BMPER: variants seen among roughly 807,000 people sequenced by gnomAD.
BMPER encodes BMP-binding endothelial regulator protein.
A neutral mutation model predicts 87.3 loss-of-function variants in BMPER; 45 were observed. The ratio of observed to expected loss-of-function variants is 0.52; its 90% CI spans 0.41 to 0.66. The LOEUF is 0.66. BMPER is among the 30% of genes least tolerant of loss of function. BMPER has a pLI of 0.00. For synonymous variants in BMPER, 326 were observed against 316.2 expected (o/e 1.03, Z -0.33); for missense variants, 784 against 867.5 (o/e 0.90, Z 1.21).
At chr7:33,960,413 G>A (rs999690651) in intron 3 of BMPER, among the ~76,000 whole-genome samples, 9 of 152,274 alleles carry the variant, frequency 5.9e-5, no homozygotes, top group Middle Eastern at 3.4e-3. Context: ...TAAAAAAATT[G>A]TATTGGGCTG....
chr7:33,919,929 A>G (rs73693051), intron 2 of BMPER, among the ~76,000 whole-genome samples: 1 of 144,356 alleles, frequency 6.9e-6, no homozygotes, highest in African/African-American at 2.9e-5. Context: ...GTACATATCT[A>G]TCTATCTATC....
intron 4 of BMPER, among the ~76,000 whole-genome samples, chr7:33,967,380 T>C (rs1437090478): frequency 1.3e-5 from 2 of 152,248 alleles, no homozygotes; most frequent in Admixed American, 6.5e-5. Flanking sequence ...GTTAGTATAA[T>C]AATGGATATT....
At chr7:34,136,866 GT>G (rs1163493572) in intron 13 of BMPER, among the ~76,000 whole-genome samples, 1 of 152,206 alleles carries the variant, frequency 6.6e-6, no homozygotes, top group Non-Finnish European at 1.5e-5. Context: ...TTGCCCTTCT[GT>G]TCTCCAAGAA....
At chr7:34,010,783 TCTGAA>T (rs1786855546) in intron 6 of BMPER, among the ~76,000 whole-genome samples, 1 of 151,926 alleles carries the variant, frequency 6.6e-6, no homozygotes, top group African/African-American at 2.4e-5. Context: ...ATTTATGAAA[TCTGAA>T]CTTTTGCTCC....
Position 34,046,296 on chromosome 7 carries a change from C to A in BMPER, c.577-10C>A. 6.2e-7 allele frequency: 1 copy of A among 1,610,356 alleles called. No homozygotes were observed. The highest frequency in any genetic ancestry group is 8.5e-7 in the Non-Finnish European group (1 of 1,177,244). On this transcript the variant is annotated splice_polypyrimidine_tract_variant and intron_variant, in intron 6 of 14. Coordinates refer to ENST00000649409, the MANE Select transcript of BMPER (RefSeq NM_001365308.1). ...TTCTAAATATGCTTTTTTTTTCTCT[C>A]TTTTCTTAGGGAGGCAGGACACAAT...
chr7:33,961,620 G>A (rs1785273348), intron 3 of BMPER, among the ~76,000 whole-genome samples: 2 of 152,200 alleles, frequency 1.3e-5, no homozygotes, highest in Admixed American at 6.5e-5. Flanking sequence ...AGGTGTGGGA[G>A]GGCACTGAAG....
intron 2 of BMPER, among the ~76,000 whole-genome samples, chr7:33,928,658 A>T (rs1784415149): frequency 6.6e-6 from 1 of 151,352 alleles, no homozygotes; most frequent in Non-Finnish European, 1.5e-5. Flanking sequence ...AAAAAAAAAA[A>T]AAGCCAGACC....
chr7:33,935,027 T>G (rs1201808370), intron 2 of BMPER, among the ~76,000 whole-genome samples: 1 of 152,232 alleles, frequency 6.6e-6, no homozygotes, highest in Non-Finnish European at 1.5e-5. Flanking sequence ...GTGATGACTT[T>G]GGTGGGAGTT....
At chr7:33,961,095 A>G (rs1233651016) in intron 3 of BMPER, among the ~76,000 whole-genome samples, 1 of 152,184 alleles carries the variant, frequency 6.6e-6, no homozygotes, top group Non-Finnish European at 1.5e-5. Flanking sequence ...AGGCTTTTCA[A>G]TAAGGGACCA....
chr7:33,940,082 G>A (rs10486624), intron 3 of BMPER: 4,689 of 188,474 alleles, frequency 0.025, 222 homozygotes, highest in African/African-American at 0.1. Context: ...TCAAAAAATA[G>A]TCTAAACTGT....
intron 13 of BMPER, among the ~76,000 whole-genome samples, chr7:34,086,970 A>C (rs1328744636): frequency 1.3e-5 from 2 of 152,216 alleles, no homozygotes; most frequent in East Asian, 3.9e-4. Context: ...GCCTCTTAAA[A>C]TTAGAAAACT....
At chr7:34,066,251 C>T (rs1001964728) in intron 11 of BMPER, among the ~76,000 whole-genome samples, 2 of 152,152 alleles carry the variant, frequency 1.3e-5, no homozygotes, top group Non-Finnish European at 2.9e-5. Flanking sequence ...GGCACAATGC[C>T]GTTGTCCTCC....
intron 13 of BMPER, among the ~76,000 whole-genome samples, chr7:34,133,530 T>G (rs1334850961): frequency 2.0e-5 from 3 of 152,202 alleles, no homozygotes; most frequent in Non-Finnish European, 1.5e-5. Flanking sequence ...TGTAATCAAC[T>G]GGGCAACTTA....
chr7:33,909,045 T>G (rs1404797992), intron 2 of BMPER, among the ~76,000 whole-genome samples: 1 of 152,226 alleles, frequency 6.6e-6, no homozygotes, highest in Non-Finnish European at 1.5e-5. Context: ...GTAGACCTAT[T>G]GAGCAAATTG....
chr7:34,085,993 C>T lies in BMPER; in HGVS notation c.1646C>T (p.Thr549Ile). ...RKPVPELCQG[T>I]VKVKLRAHRE... ...CCAGTGCCTGAACTGTGTCAAGGGA[C>T]AGTCAAGGTAAAGCTCCGGGCCCAT... Residue 549 changes from threonine (T) to isoleucine (I), a missense_variant, in exon 13 of 15, where the codon ACA (threonine) becomes ATA (isoleucine). Physicochemically the swap from Thr to Ile is moderately conservative, Grantham distance 89 (BLOSUM62 -1). Transcript: ENST00000649409. 5.6e-6 allele frequency: 9 copies of T among 1,614,110 alleles called. No individual in the cohort carries two copies. Among genetic ancestry groups the T allele is most frequent in the Non-Finnish European group, 7.6e-6 (9 of 1,180,014 alleles).
At chr7:34,062,679 A>G (rs1261303643) in intron 11 of BMPER, among the ~76,000 whole-genome samples, 2 of 152,246 alleles carry the variant, frequency 1.3e-5, no homozygotes, top group Admixed American at 6.5e-5. Context: ...CCTAGATGGT[A>G]TAACCTACTG....
chr7:34,104,751 A>G (rs935939426), intron 13 of BMPER, among the ~76,000 whole-genome samples: 1 of 152,104 alleles, frequency 6.6e-6, no homozygotes, highest in African/African-American at 2.4e-5. Flanking sequence ...ATGCTTAACT[A>G]CCTGGCCTCT....
chr7:34,075,306 T>A (rs763654370), intron 11 of BMPER, among the ~76,000 whole-genome samples: 1 of 152,202 alleles, frequency 6.6e-6, no homozygotes, highest in Non-Finnish European at 1.5e-5. Context: ...AAAGTATACA[T>A]AGTCATTGTA....
intron 6 of BMPER, among the ~76,000 whole-genome samples, chr7:34,025,250 T>G (rs1369619482): frequency 6.6e-6 from 1 of 152,106 alleles, no homozygotes; most frequent in Non-Finnish European, 1.5e-5. Flanking sequence ...TTAAATGATA[T>G]CTGAATTGCT....
Sources: allele counts gnomAD v4.1 joint callset (sites outside exome capture counted in the v4.1 genomes callset), GRCh38; gene constraint gnomAD v4.1.1; transcripts MANE v1.5; gene names NCBI Gene and HGNC (gene_info 2026-07-23, HGNC 2026-07-21).